ZNF217: variants seen among roughly 807,000 people sequenced by gnomAD.
ZNF217 encodes the protein zinc finger protein 217.
In ZNF217, 12 loss-of-function variants were observed where a neutral mutation model predicts 73.3. The ratio of observed to expected loss-of-function variants is 0.16; its 90% confidence interval spans 0.10 to 0.27. ZNF217 has a LOEUF of 0.27. Ranked by LOEUF, ZNF217 falls within the 10% of genes least tolerant of loss-of-function variation. ZNF217 has a pLI of 1.00. For missense variants in ZNF217, 1,195 were observed against 1,327.8 expected, an observed-to-expected ratio of 0.90 and a Z score of 1.55; for synonymous variants, 588 against 516.4, an observed-to-expected ratio of 1.14 and a Z score of -1.88.
chr20:53,596,167 C>T (rs891451924), upstream of ZNF217, among the ~76,000 whole-genome samples: 1 of 151,942 alleles, frequency 6.6e-6, no homozygotes, highest in Non-Finnish European at 1.5e-5. Context: ...CTTGTTTTCC[C>T]CCTGTGCCCT....
At chr20:53,578,259 GAACAAC>G in intron 3 of ZNF217, 69 bp downstream of exon 3, 3 of 1,004,422 alleles carry the variant, frequency 3.0e-6, no homozygotes, top group Non-Finnish European at 4.5e-6. Flanking sequence ...CAGAGTATCT[GAACAAC>G]AACAACAAAA....
At chr20:53,587,782 G>C (rs945020977) in intron 1 of ZNF217, among the ~76,000 whole-genome samples, 3 of 148,036 alleles carry the variant, frequency 2.0e-5, no homozygotes, top group African/African-American at 7.6e-5. Flanking sequence ...TTCTCTGAAA[G>C]TTTTTCCTCT....
intron 4 of ZNF217, 77 bp downstream of exon 4, chr20:53,575,650 A>G: frequency 2.2e-6 from 3 of 1,387,710 alleles, no homozygotes; most frequent in Non-Finnish European, 2.9e-6. Context: ...GAGTGGTACC[A>G]TCTCCACTGA....
chr20:53,587,648 G>A (rs1988743092), intron 1 of ZNF217, among the ~76,000 whole-genome samples: 1 of 151,774 alleles, frequency 6.6e-6, no homozygotes, highest in Admixed American at 6.6e-5. Context: ...TTTTTCCCAA[G>A]TTACTGAGGT....
intron 1 of ZNF217, among the ~76,000 whole-genome samples, chr20:53,590,638 T>A (rs1232480941): frequency 1.3e-5 from 2 of 152,034 alleles, no homozygotes; most frequent in Non-Finnish European, 2.9e-5. Context: ...AAACAGCACA[T>A]CTTTTGGGAC....
intron 5 of ZNF217, among the ~76,000 whole-genome samples, chr20:53,569,967 TG>T (rs1987921269): frequency 6.6e-6 from 1 of 151,976 alleles, no homozygotes; most frequent in South Asian, 2.1e-4. Flanking sequence ...ATATGTGAGC[TG>T]GTCCAGAGGA....
chr20:53,591,009 A>C (rs1988860661), intron 1 of ZNF217, among the ~76,000 whole-genome samples: 2 of 152,334 alleles, frequency 1.3e-5, no homozygotes, highest in African/African-American at 4.8e-5. Context: ...AAGTAAAGGC[A>C]GTCAAAGTCA....
In ZNF217 at chr20:53,583,167, C is replaced by A; in HGVS notation, c.-341G>T. ...AACCTGGAGACAAGGGATTTCCAAA[C>A]CCTAGAGGAAAAAAAACAGAAACGG... On this transcript the variant is annotated splice_region_variant and 5_prime_UTR_variant, in exon 2 of 6. Transcript: ENST00000371471. 1 of 410,444 alleles carries A rather than the reference C, an allele frequency of 2.4e-6. No individual in the cohort carries two copies. Among genetic ancestry groups the A allele is most frequent in the Non-Finnish European group, 4.3e-6 (1 of 232,638 alleles). 25.4% of individuals were successfully genotyped at this position (410,444 alleles called of 1,614,324 possible).
In ZNF217 at chr20:53,581,990, C is replaced by T. The variant is rs376477737; in HGVS notation, c.837G>A (p.Thr279=). 6.8e-6 allele frequency: 11 copies of T among 1,614,108 alleles called. No homozygotes were observed. The highest frequency in any genetic ancestry group is 5.3e-5 in the African/African-American group (4 of 74,930). ...FNLRPKSHPE[T]GKKPVRCIPQ... ...GGATGCATCTGACAGGCTTCTTCCC[C>T]GTTTCAGGGTGAGATTTTGGTCTCA... Residue 279 remains threonine, a synonymous_variant, in exon 2 of 6, where the codon ACG becomes ACA. Transcript: ENST00000371471. This position sits in a 1 kb window ranked among gnomAD's most constrained non-coding sequence, Gnocchi z 4.9.
At position 53,583,108 on chromosome 20, in the gene ZNF217, G is replaced by C; in HGVS notation, c.-282C>G. On this transcript the variant is annotated 5_prime_UTR_variant, in exon 2 of 6. Transcript: ENST00000371471. ...TTAGTTCTCTTTGTCTCCATTGAAT[G>C]AGTGTTTCAATTGAGCAAGAAGTCA... is the stretch of plus-strand genomic sequence containing the variant. The C allele has an allele frequency of 2.4e-6, 1 of 420,948 alleles. No individual in the cohort carries two copies. Among genetic ancestry groups the C allele is most frequent in the Non-Finnish European group, 4.2e-6 (1 of 238,474 alleles). The allele number at this position is 420,948 out of a possible 1,614,324, so 26.1% of individuals were successfully genotyped here. A position where few individuals can be genotyped will look rare whatever the true frequency, so the allele number is the denominator to read the frequency against.
intron 5 of ZNF217, among the ~76,000 whole-genome samples, chr20:53,569,899 G>A (rs1987918818): frequency 6.6e-6 from 1 of 152,160 alleles, no homozygotes; most frequent in African/African-American, 2.4e-5. Context: ...GTTTGAGGCT[G>A]CAGTGAGCCA....
At chr20:53,590,790 G>A (rs1320002195) in intron 1 of ZNF217, among the ~76,000 whole-genome samples, 1 of 152,126 alleles carries the variant, frequency 6.6e-6, no homozygotes, top group Non-Finnish European at 1.5e-5. Context: ...CTGCAATGAG[G>A]AGATAGAAGG....
chr20:53,572,027 T>C (rs1988033889), intron 4 of ZNF217, among the ~76,000 whole-genome samples, 174 bp from the exon 5 acceptor site: 1 of 152,206 alleles, frequency 6.6e-6, no homozygotes, highest in South Asian at 2.1e-4. Context: ...TTATGACACT[T>C]GTTAGCACAG....
chr20:53,585,670 A>G (rs942571946), intron 1 of ZNF217, among the ~76,000 whole-genome samples: 3 of 152,238 alleles, frequency 2.0e-5, no homozygotes, highest in African/African-American at 7.2e-5. Context: ...TCTGGGTTAA[A>G]GAAGTTACCA....
chr20:53,591,912 A>C (rs1392490648), intron 1 of ZNF217, among the ~76,000 whole-genome samples: 1 of 152,268 alleles, frequency 6.6e-6, no homozygotes, highest in Non-Finnish European at 1.5e-5. Context: ...CAGTAAAATA[A>C]GAACATTGTA....
upstream of ZNF217, among the ~76,000 whole-genome samples, chr20:53,594,566 C>A (rs919021553): frequency 1.1e-4 from 16 of 151,978 alleles, no homozygotes; most frequent in African/African-American, 3.9e-4. Context: ...CGCCCCGCAC[C>A]CCTCCTCCCG....
rs1352049312 is a variant in ZNF217 at position 53,577,136 on chromosome 20, T to C, written c.1628A>G (p.Glu543Gly). ...VKNDGKNQDT[E>G]DALLTADSAQ... ...ACTGTCAGCGGTTAATAGTGCATCTTCAGTGTCCTGATTTTTACCATCGTT... is the reference window on the plus strand; with the variant it reads ...ACTGTCAGCGGTTAATAGTGCATCTCCAGTGTCCTGATTTTTACCATCGTT... Residue 543 changes from glutamate (E) to glycine (G), a missense_variant, in exon 4 of 6, where the codon GAA becomes GGA. Coordinates refer to ENST00000371471, the MANE Select transcript of ZNF217 (RefSeq NM_006526.3). 8 of 1,614,092 alleles carry C rather than the reference T, an allele frequency of 5.0e-6. No homozygotes were observed. The Admixed American group carries it at 1.2e-4, about 24-fold the overall frequency.
chr20:53,593,713 C>A (rs1288002052), intron 1 of ZNF217, 43 bp downstream of exon 1: 2 of 150,948 alleles, frequency 1.3e-5, no homozygotes, highest in African/African-American at 4.9e-5. Context: ...CAGGACCGGG[C>A]GGGCGCCCCG....
rs1988231363 is a variant in ZNF217, at chr20:53,575,780, G to C, written c.2984C>G (p.Pro995Arg). 1 of 1,610,828 alleles carries C rather than the reference G, an allele frequency of 6.2e-7. No individual in the cohort carries two copies. The highest frequency in any genetic ancestry group is 8.5e-7 in the Non-Finnish European group (1 of 1,178,490). Residue 995 changes from proline to arginine, a missense_variant, in exon 4 of 6, where the codon CCA becomes CGA. Physicochemically the swap from Pro to Arg is moderately radical, Grantham distance 103. This residue lies in a region of ZNF217 where 649 missense variants were observed against 642.8 expected (regional missense o/e 1.01). Coordinates refer to ENST00000371471, the MANE Select transcript of ZNF217 (RefSeq NM_006526.3). Reference protein sequence around the residue: ...TVQKPYGGSGPLYTCVPAGSP... With the variant: ...TVQKPYGGSGRLYTCVPAGSP... The stretch of plus-strand genomic sequence containing the variant: ...ACCAGCAGGCACACAAGTGTAAAGT[G>C]GCCCGGAGCCACCATAGGGCTTCTG...
Sources: allele counts gnomAD v4.1 joint callset (sites outside exome capture counted in the v4.1 genomes callset), GRCh38; gene constraint gnomAD v4.1.1; regional missense constraint gnomAD v4.1.1; non-coding constraint Gnocchi (gnomAD v3.1); transcripts MANE v1.5; gene names NCBI Gene and HGNC (gene_info 2026-07-23, HGNC 2026-07-21).